LPIN2: variants seen among roughly 807,000 people sequenced by gnomAD.
The protein encoded by LPIN2 is lipin 2, also known as phosphatidate phosphatase LPIN2.
Under a neutral mutation model 111.4 loss-of-function variants are expected in LPIN2, and 55 were observed. That is an observed-to-expected ratio of 0.49 (90% confidence interval 0.40 to 0.62). The LOEUF (loss-of-function observed/expected upper bound fraction) is 0.62. Among genes scored for constraint, LPIN2 ranks in the 20% least tolerant of loss-of-function variants. The pLI, the probability that LPIN2 is intolerant of heterozygous loss-of-function variation, is 0.00. For missense variants in LPIN2, 992 were observed against 1,112.1 expected (o/e 0.89, Z 1.54); for synonymous variants, 425 against 414.0 (o/e 1.03, Z -0.32).
chr18:3,007,844 G>C (rs1182886127), intron 1 of LPIN2, among the ~76,000 whole-genome samples: 1 of 152,170 alleles, frequency 6.6e-6, no homozygotes, highest in Non-Finnish European at 1.5e-5. Context: ...ACCTTATATT[G>C]AATAAATTAT....
chr18:2,973,828 C>T (rs959391351), intron 1 of LPIN2, among the ~76,000 whole-genome samples: 10 of 152,170 alleles, frequency 6.6e-5, no homozygotes, highest in African/African-American at 2.2e-4. Flanking sequence ...ATTTTGCACA[C>T]GAAACAAAGC....
At chr18:3,004,362 C>T (rs1032380810) in intron 1 of LPIN2, among the ~76,000 whole-genome samples, 2 of 152,156 alleles carry the variant, frequency 1.3e-5, no homozygotes, top group Non-Finnish European at 2.9e-5. Flanking sequence ...TGTGATGTCA[C>T]CCCCAGAGGC....
At chr18:2,939,058 G>A (rs774648070) in intron 6 of LPIN2, among the ~76,000 whole-genome samples, 8 of 152,202 alleles carry the variant, frequency 5.3e-5, no homozygotes, top group Non-Finnish European at 1.0e-4. Context: ...CTACTTGAAA[G>A]TCTGGTGTGG....
chr18:2,991,715 AAAT>A (rs1167771980), intron 1 of LPIN2, among the ~76,000 whole-genome samples: 1 of 152,094 alleles, frequency 6.6e-6, no homozygotes, highest in Non-Finnish European at 1.5e-5. Flanking sequence ...CTGTCTCAAA[AAAT>A]AATAATAATA....
chr18:2,928,727 TCAGGGAGG>T, intron 10 of LPIN2, 67 bp from the exon 11 acceptor site: 1 of 1,112,318 alleles, frequency 9.0e-7, no homozygotes, highest in Non-Finnish European at 1.4e-6. Flanking sequence ...GGGGAGGGAA[TCAGGGAGG>T]GAGGGAGGAG....
intron 6 of LPIN2, 26 bp from the exon 7 acceptor site, chr18:2,938,063 T>C (rs374911473): frequency 6.5e-7 from 1 of 1,538,388 alleles, no homozygotes. Context: ...TGTTTAAAAA[T>C]TAAACTACTT....
At chr18:2,922,896 A>C (rs1568510095) in intron 16 of LPIN2, among the ~76,000 whole-genome samples, 1 of 152,354 alleles carries the variant, frequency 6.6e-6, no homozygotes, top group Middle Eastern at 3.4e-3. Flanking sequence ...CCACTCCATC[A>C]GACAAGAAGC....
At chr18:2,926,646 G>A in intron 13 of LPIN2, 77 bp downstream of exon 13, 2 of 1,299,782 alleles carry the variant, frequency 1.5e-6, no homozygotes, top group African/African-American at 1.5e-5. Context: ...TAAACAAGCT[G>A]CCAAAATCAA....
Position 2,945,619 on chromosome 18 carries a change from G to C in LPIN2, c.591-4907C>G. 9.2e-6 allele frequency: 14 copies of C among 1,523,488 alleles called. No individual in the cohort carries two copies. In the South Asian group the frequency reaches 1.5e-4, roughly 16 times the overall value. The allele number at this position is 1,523,488 out of a possible 1,614,324, so 94.4% of individuals were successfully genotyped here. On this transcript the variant is annotated intron_variant, in intron 4 of 19. Transcript: ENST00000677752. ...CAGTTCAAGGCTTGCCCACTGCATC[G>C]GTTCAGCTTTTCTCATAGTGATTTC... is the stretch of plus-strand genomic sequence containing the variant.
chr18:2,977,137 G>A (rs1390529423), intron 1 of LPIN2: 1 of 151,262 alleles, frequency 6.6e-6, no homozygotes, highest in Non-Finnish European at 1.5e-5. Flanking sequence ...GAGCCTGGGA[G>A]GCAGAGGTTG....
intron 1 of LPIN2, among the ~76,000 whole-genome samples, chr18:2,972,103 T>C (rs2077927434): frequency 6.6e-6 from 1 of 152,110 alleles, no homozygotes; most frequent in Admixed American, 6.6e-5. Flanking sequence ...TGGTGGAAGT[T>C]AACCCAAAGT....
At chr18:2,998,802 G>C (rs999821261) in intron 1 of LPIN2, among the ~76,000 whole-genome samples, 9 of 152,190 alleles carry the variant, frequency 5.9e-5, no homozygotes, top group Non-Finnish European at 1.0e-4. Flanking sequence ...AACTATGCCA[G>C]GATATAGATA....
intron 1 of LPIN2, among the ~76,000 whole-genome samples, chr18:2,992,635 G>A (rs1353904959): frequency 6.6e-6 from 1 of 152,148 alleles, no homozygotes; most frequent in Non-Finnish European, 1.5e-5. Flanking sequence ...CAGATCTTGA[G>A]TTCCAGGAGT....
chr18:2,986,142 ACT>A (rs1179415197), intron 1 of LPIN2, among the ~76,000 whole-genome samples: 1 of 152,266 alleles, frequency 6.6e-6, no homozygotes, highest in Admixed American at 6.5e-5. Context: ...CTTATAATTC[ACT>A]GTTTATGAAA....
rs1491271302 is a variant in LPIN2 at position 2,917,256 on chromosome 18, A to AAAAG, written c.*3033_*3036dup. Reference sequence around the variant, plus strand: ...CCCTTTCTTACTTTCAAACAAAACCAAAAGAGTAGTTTTCATCTGGAAAGA... The same window carrying AAAAG: ...CCCTTTCTTACTTTCAAACAAAACCAAAAGAAAGAGTAGTTTTCATCTGGAAAGA... On this transcript the variant is annotated 3_prime_UTR_variant, in exon 20 of 20. Transcript: ENST00000677752. 1.3e-5 allele frequency: 2 copies of AAAAG among 152,244 alleles called. No homozygotes were observed. Among genetic ancestry groups the AAAAG allele is most frequent in the African/African-American group, 4.8e-5 (2 of 41,462 alleles). The allele number at this position is 152,244 out of a possible 1,614,324, so 9.4% of individuals were successfully genotyped here. A position where few individuals can be genotyped will look rare whatever the true frequency, so the allele number is the denominator to read the frequency against.
chr18:2,955,163 T>C lies in LPIN2; in HGVS notation c.193-564A>G, dbSNP rs145678209. 2.6e-5 allele frequency among the ~76,000 whole-genome samples: 4 copies of C among 152,196 alleles called. No homozygotes were observed. The East Asian group carries it at 7.7e-4, about 29-fold the overall frequency. On this transcript the variant is annotated intron_variant, in intron 2 of 19. Transcript: ENST00000677752. ...ATATCATGTCAAAAAAAAATTCAGGTAGACATATGCGTTGGGCCATTTTTG... is the reference window on the plus strand; with the variant it reads ...ATATCATGTCAAAAAAAAATTCAGGCAGACATATGCGTTGGGCCATTTTTG...
At chr18:2,954,389 CCAA>C in intron 3 of LPIN2, 112 bp downstream of exon 3, 1 of 743,890 alleles carries the variant, frequency 1.3e-6, no homozygotes, top group South Asian at 1.5e-5. Context: ...GCTTGTCTTG[CCAA>C]CAACAGTCCT....
intron 1 of LPIN2, among the ~76,000 whole-genome samples, chr18:2,995,431 T>C (rs886570536): frequency 6.6e-6 from 1 of 152,238 alleles, no homozygotes; most frequent in African/African-American, 2.4e-5. Context: ...CTTCTCTTCT[T>C]CCAAGTTTTG....
intron 7 of LPIN2, among the ~76,000 whole-genome samples, chr18:2,934,948 A>T (rs910834540): frequency 1.3e-5 from 2 of 152,118 alleles, no homozygotes; most frequent in Non-Finnish European, 2.9e-5. Context: ...ATAACATCTT[A>T]AACAATAATC....
Sources: gnomAD v4.1 joint callset for allele counts (sites outside exome capture counted in the v4.1 genomes callset) on GRCh38, gnomAD v4.1.1 for gene constraint, MANE v1.5 for transcripts, NCBI Gene and HGNC (gene_info 2026-07-23, HGNC 2026-07-21) for gene names.